EIF5: variants seen among roughly 807,000 people sequenced by gnomAD.
EIF5 encodes the protein eukaryotic translation initiation factor 5.
A neutral mutation model predicts 48.3 loss-of-function variants in EIF5; 10 were observed. The ratio of observed to expected loss-of-function variants is 0.21; its 90% CI spans 0.13 to 0.35. EIF5 has a LOEUF of 0.35. EIF5 is among the 10% of genes least tolerant of loss of function. The pLI is 1.00. For missense variants in EIF5, 397 were observed against 533.2 expected, an observed-to-expected ratio of 0.74 and a Z score of 2.51; for synonymous variants, 237 against 173.1, an observed-to-expected ratio of 1.37 and a Z score of -2.90.
intron 4 of EIF5, 157 bp downstream of exon 4, chr14:103,336,274 C>G (rs956631749): frequency 2.1e-4 from 163 of 776,486 alleles, no homozygotes; most frequent in East Asian, 1.6e-4. Context: ...ACAAAACTAC[C>G]AGGGGAACGC....
rs1474766622 is a variant in EIF5 at position 103,341,328 on chromosome 14, T to A, written c.*276T>A. ...CATTTGGATCACATTTATACAGTTA[T>A]AAAAATAAAGGTTTGATTTTGGTCG... On this transcript the variant is annotated 3_prime_UTR_variant, in exon 12 of 12. Coordinates refer to ENST00000216554, the MANE Select transcript of EIF5 (RefSeq NM_001969.5). 3.7e-6 allele frequency: 1 copy of A among 271,838 alleles called. No homozygotes were observed. The highest frequency in any genetic ancestry group is 7.1e-6 in the Non-Finnish European group (1 of 139,928). The allele number at this position is 271,838 out of a possible 1,614,324, so 16.8% of individuals were successfully genotyped here. A position where few individuals can be genotyped will look rare whatever the true frequency, so the allele number is the denominator to read the frequency against.
intron 4 of EIF5, 193 bp downstream of exon 4, chr14:103,336,310 G>C (rs910319136): frequency 3.3e-5 from 22 of 660,204 alleles, no homozygotes; most frequent in Admixed American, 3.0e-5. Context: ...GGCTGGGCGC[G>C]TTGGCTCACA....
Position 103,341,676 on chromosome 14 carries a change from ATAATG to A in EIF5, c.*628_*632del, listed in dbSNP as rs1189029924. 7 of 152,436 alleles carry A rather than the reference ATAATG, an allele frequency of 4.6e-5. No homozygotes were observed. The highest frequency in any genetic ancestry group is 1.4e-4 in the African/African-American group (6 of 41,584). 9.4% of individuals were successfully genotyped at this position (152,436 alleles called of 1,614,324 possible). On this transcript the variant is annotated 3_prime_UTR_variant, in exon 12 of 12. Coordinates refer to ENST00000216554, the MANE Select transcript of EIF5 (RefSeq NM_001969.5). ...TAAATATGACCTCAGTGTCCTATAAATAATGTAAGAGCAGGATTTGAAACTTGGAG... is the reference window on the plus strand; with the variant it reads ...TAAATATGACCTCAGTGTCCTATAAATAAGAGCAGGATTTGAAACTTGGAG...
At chr14:103,340,713 A>G (rs1595365624) in intron 11 of EIF5, 152 bp downstream of exon 11, 5 of 1,097,146 alleles carry the variant, frequency 4.6e-6, no homozygotes, top group South Asian at 3.3e-5. Flanking sequence ...AATAATTTGG[A>G]AAATAATAGA....
In EIF5 at chr14:103,343,114, GTC is replaced by G. The variant is rs34434597; in HGVS notation, c.*2064_*2065del. ...ATTCTTCACTTTGCTCTATTGAACT[GTC>G]TTAAGGATTTGTTTAAACAGCTAAG... On this transcript the variant is annotated 3_prime_UTR_variant, in exon 12 of 12. Transcript: ENST00000216554. The G allele has an allele frequency of 0.015, 2,297 of 152,704 alleles. 22 individuals are homozygous for G. Among genetic ancestry groups the G allele is most frequent in the South Asian group, 0.025 (121 of 4,830 alleles). The allele number at this position is 152,704 out of a possible 1,614,324, so 9.5% of individuals were successfully genotyped here.
At chr14:103,335,055 G>C (rs2089267760) in intron 2 of EIF5, 1 of 152,254 alleles carries the variant, frequency 6.6e-6, no homozygotes, top group South Asian at 2.1e-4. Flanking sequence ...ATGGGGACCA[G>C]GGCGAAGGTT....
chr14:103,338,992 G>A lies in EIF5; in HGVS notation c.744+99G>A, dbSNP rs559021623. 7.3e-4 allele frequency: 1,105 copies of A among 1,508,250 alleles called. 9 individuals are homozygous for A. The South Asian group carries it at 0.014, about 19-fold the overall frequency. The allele number at this position is 1,508,250 out of a possible 1,614,324, so 93.4% of individuals were successfully genotyped here. On this transcript the variant is annotated intron_variant, in intron 8 of 11. Transcript: ENST00000216554. The stretch of plus-strand genomic sequence containing the variant: ...GCAGTGTAATTAGGATTACTCTAAT[G>A]CACGACTTTTTAGAACTCTTGTTCA...
rs2089326110 is a variant in EIF5, at chr14:103,339,345, G to A, written c.906+12G>A. 1 of 1,579,670 alleles carries A rather than the reference G, an allele frequency of 6.3e-7. No individual in the cohort carries two copies. Among genetic ancestry groups the A allele is most frequent in the Non-Finnish European group, 8.5e-7 (1 of 1,169,640 alleles). ...GCCATTTCCTACGAGTAAGCAAAGTGCTCTGGATTCATAAATGAGATTACA... is the reference window on the plus strand; with the variant it reads ...GCCATTTCCTACGAGTAAGCAAAGTACTCTGGATTCATAAATGAGATTACA... On this transcript the variant is annotated intron_variant, in intron 9 of 11. Coordinates refer to ENST00000216554, the MANE Select transcript of EIF5 (RefSeq NM_001969.5).
chr14:103,339,261 T>A lies in EIF5; in HGVS notation c.834T>A (p.Leu278=). 6.2e-7 allele frequency: 1 copy of A among 1,611,970 alleles called. No homozygotes were observed. The highest frequency in any genetic ancestry group is 1.3e-5 in the African/African-American group (1 of 74,874). The change falls in exon 9 of 12, where the codon CTT becomes CTA. Residue 278 remains leucine, a synonymous_variant. Transcript: ENST00000216554. ...TGGATGTAAAAGCCATGGGCCCTCTTGTTCTAACTGAAGTTCTTTTTAATG... is the reference window on the plus strand; with the variant it reads ...TGGATGTAAAAGCCATGGGCCCTCTAGTTCTAACTGAAGTTCTTTTTAATG... ...ERLDVKAMGP[L]VLTEVLFNEK...
rs779368912 is a variant in EIF5 at position 103,339,621 on chromosome 14, C to G, written c.907-18C>G. 3 of 1,613,918 alleles carry G rather than the reference C, an allele frequency of 1.9e-6. No individual in the cohort carries two copies. Among genetic ancestry groups the G allele is most frequent in the South Asian group, 2.2e-5 (2 of 91,060 alleles). ...AACACATAAAAAAGATTGTTAACAC[C>G]AAGGTGTCTATTTGCAGTTTTGTCA... On this transcript the variant is annotated intron_variant, in intron 9 of 11. Transcript: ENST00000216554.
Position 103,342,047 on chromosome 14 carries a change from A to G in EIF5, c.*995A>G, listed in dbSNP as rs1193284570. ...CAGTTTGTTCTGTAATGCCTTTTAC[A>G]TTTGGACACATAGTTTATGCTTTTT... On this transcript the variant is annotated 3_prime_UTR_variant, in exon 12 of 12. Transcript: ENST00000216554. The G allele has an allele frequency of 2.0e-5, 3 of 152,502 alleles. No individual in the cohort carries two copies. The highest frequency in any genetic ancestry group is 6.5e-5 in the Admixed American group (1 of 15,268). 9.4% of individuals were successfully genotyped at this position (152,502 alleles called of 1,614,324 possible).
Position 103,340,968 on chromosome 14 carries a change from G to A in EIF5, c.1212G>A (p.Val404=), listed in dbSNP as rs752528235. 5 of 1,613,828 alleles carry A rather than the reference G, an allele frequency of 3.1e-6. No homozygotes were observed. Among genetic ancestry groups the A allele is most frequent in the African/African-American group, 2.7e-5 (2 of 74,924 alleles). The change falls in exon 12 of 12, where the codon GTG becomes GTA. Residue 404 remains valine (V), a synonymous_variant. Coordinates refer to ENST00000216554, the MANE Select transcript of EIF5 (RefSeq NM_001969.5). ...EEDEDENIEV[V]YSKAASVPKV... ...AAAATCATTCCTCTTAACAGGTGGT[G>A]TATTCGAAGGCTGCCAGTGTACCGA...
intron 4 of EIF5, 49 bp downstream of exon 4, chr14:103,336,166 T>G: frequency 6.4e-7 from 1 of 1,564,276 alleles, no homozygotes; most frequent in South Asian, 1.2e-5. Flanking sequence ...GATAGAGTCT[T>G]CAAAGTCTTT....
chr14:103,340,085 G>C (rs113282476), intron 10 of EIF5, among the ~76,000 whole-genome samples: 1 of 152,144 alleles, frequency 6.6e-6, no homozygotes, highest in Non-Finnish European at 1.5e-5. Context: ...TCGAACACCT[G>C]ACCTCAGGTG....
chr14:103,335,683 G>T lies in EIF5; in HGVS notation c.-178G>T. The T allele has an allele frequency of 1.6e-6, 1 of 624,360 alleles. No individual in the cohort carries two copies. Among genetic ancestry groups the T allele is most frequent in the Non-Finnish European group, 2.8e-6 (1 of 353,122 alleles). 38.7% of individuals were successfully genotyped at this position (624,360 alleles called of 1,614,324 possible). ...TTGCGCAGCCATTGGTACCTGTATTGGGGAAACATAGCATACAAGCAAGAA... is the reference window on the plus strand; with the variant it reads ...TTGCGCAGCCATTGGTACCTGTATTTGGGAAACATAGCATACAAGCAAGAA... On this transcript the variant is annotated 5_prime_UTR_variant, in exon 3 of 12. Coordinates refer to ENST00000216554, the MANE Select transcript of EIF5 (RefSeq NM_001969.5).
At chr14:103,339,556 T>A in intron 9 of EIF5, 83 bp from the exon 10 acceptor site, 1 of 1,592,360 alleles carries the variant, frequency 6.3e-7, no homozygotes, top group Non-Finnish European at 8.6e-7. Flanking sequence ...GCCATGCACT[T>A]GCAGACACTC....
chr14:103,336,227 A>T lies in EIF5; in HGVS notation c.154+110A>T. On this transcript the variant is annotated intron_variant, in intron 4 of 11. Transcript: ENST00000216554. ...ATGCTAGCTAATTACCTTACAAGTT[A>T]AGTGAGGAACCGTGGTTTATTGGTT... 6.2e-6 allele frequency: 7 copies of T among 1,121,556 alleles called. No homozygotes were observed. The South Asian group carries it at 1.1e-4, about 17-fold the overall frequency. 69.5% of individuals were successfully genotyped at this position (1,121,556 alleles called of 1,614,324 possible).
Position 103,335,758 on chromosome 14 carries a change from C to A in EIF5, c.-103C>A. On this transcript the variant is annotated 5_prime_UTR_variant, in exon 3 of 12. Coordinates refer to ENST00000216554, the MANE Select transcript of EIF5 (RefSeq NM_001969.5). Reference sequence around the variant, plus strand: ...TTTTTCATGTCAGAGACCGAGAACTCTTGCAGTCGTTTATGTCATCCCTTC... The same window carrying A: ...TTTTTCATGTCAGAGACCGAGAACTATTGCAGTCGTTTATGTCATCCCTTC... 1 of 1,357,780 alleles carries A rather than the reference C, an allele frequency of 7.4e-7. No homozygotes were observed. Among genetic ancestry groups the A allele is most frequent in the Non-Finnish European group, 1.0e-6 (1 of 958,858 alleles). The allele number at this position is 1,357,780 out of a possible 1,614,324, so 84.1% of individuals were successfully genotyped here.
intron 7 of EIF5, 44 bp from the exon 8 acceptor site, chr14:103,338,691 T>C: frequency 6.3e-7 from 1 of 1,588,216 alleles, no homozygotes; most frequent in Non-Finnish European, 8.6e-7. Context: ...TTTTTGTTGT[T>C]GTTTTTAAGG....
Sources: gnomAD v4.1 joint callset for allele counts (sites outside exome capture counted in the v4.1 genomes callset) on GRCh38, gnomAD v4.1.1 for gene constraint, MANE v1.5 for transcripts, NCBI Gene and HGNC (gene_info 2026-07-23, HGNC 2026-07-21) for gene names.